The following CPVL variants were observed in gnomAD, a reference collection of about 807,000 sequenced individuals.
The protein encoded by CPVL is carboxypeptidase vitellogenic like, also known as probable serine carboxypeptidase CPVL.
CPVL carries 51 observed loss-of-function variants against 63.7 expected under a neutral mutation model. The observed-to-expected ratio is 0.80, with a 90% CI of 0.64 to 1.01. The LOEUF (loss-of-function observed/expected upper bound fraction) is 1.01. Ranked by LOEUF, CPVL falls within the 50% of genes least tolerant of loss-of-function variation. The pLI, the probability that CPVL is intolerant of heterozygous loss-of-function variation, is 0.00. For synonymous variants in CPVL, 195 were observed against 206.0 expected (o/e 0.95, Z 0.46); for missense variants, 530 against 573.1 (o/e 0.92, Z 0.77).
chr7:29,115,696 T>C (rs1325642166), intron 2 of CPVL, among the ~76,000 whole-genome samples: 1 of 148,872 alleles, frequency 6.7e-6, no homozygotes, highest in Non-Finnish European at 1.5e-5. Context: ...ATGAGTGAGA[T>C]GTGGACCACA....
chr7:29,171,885 C>G (rs115794163), intron 5 of CPVL, among the ~76,000 whole-genome samples: 2 of 152,142 alleles, frequency 1.3e-5, no homozygotes, highest in Non-Finnish European at 2.9e-5. Flanking sequence ...AATGGACTTA[C>G]GAACTGATTT....
chr7:29,055,141 T>A (rs912604727), intron 11 of CPVL, among the ~76,000 whole-genome samples: 3 of 152,258 alleles, frequency 2.0e-5, no homozygotes, highest in African/African-American at 7.2e-5. Flanking sequence ...GTAGCCTGTT[T>A]ACTTTTGTGT....
chr7:29,094,125 G>C (rs919844053), intron 5 of CPVL, among the ~76,000 whole-genome samples: 1 of 152,140 alleles, frequency 6.6e-6, no homozygotes, highest in Non-Finnish European at 1.5e-5. Context: ...CGGATCACTT[G>C]AGGTCAGGAG....
chr7:29,021,936 C>T (rs567375669), intron 12 of CPVL, among the ~76,000 whole-genome samples: 10 of 152,262 alleles, frequency 6.6e-5, no homozygotes, highest in South Asian at 2.1e-4. Context: ...AGTGCAGATG[C>T]GTCCCCAAAA....
chr7:29,046,233 C>A (rs1306692733), intron 11 of CPVL, among the ~76,000 whole-genome samples: 1 of 151,936 alleles, frequency 6.6e-6, no homozygotes, highest in Non-Finnish European at 1.5e-5. Context: ...TAAAGGCATG[C>A]ACCACCACAC....
intron 11 of CPVL, among the ~76,000 whole-genome samples, chr7:29,032,466 G>A (rs1452402664): frequency 1.3e-5 from 2 of 152,124 alleles, no homozygotes; most frequent in East Asian, 1.9e-4. Context: ...TATTTGCATT[G>A]TTTATATAGA....
intron 7 of CPVL, among the ~76,000 whole-genome samples, chr7:29,086,280 C>A (rs1423703644): frequency 7.4e-6 from 1 of 134,808 alleles, no homozygotes; most frequent in Non-Finnish European, 1.7e-5. Flanking sequence ...GCAACAAGAG[C>A]AAAACTCCAA....
At chr7:29,014,233 G>A (rs4257918) in intron 12 of CPVL, among the ~76,000 whole-genome samples, 27,635 of 152,184 alleles carry the variant, frequency 0.18, 2,754 homozygotes, top group East Asian at 0.28. Flanking sequence ...CAAAGAACCC[G>A]TGAAAGAGGA....
At chr7:29,123,828 G>A (rs936448279) in intron 1 of CPVL, among the ~76,000 whole-genome samples, 4 of 150,086 alleles carry the variant, frequency 2.7e-5, no homozygotes, top group Admixed American at 2.0e-4. Flanking sequence ...AAATAACCAG[G>A]GTAGTTACAG....
chr7:29,131,250 A>G (rs1416691743), intron 1 of CPVL, among the ~76,000 whole-genome samples: 1 of 152,226 alleles, frequency 6.6e-6, no homozygotes, highest in East Asian at 1.9e-4. Flanking sequence ...ATTTTCAAAT[A>G]AGAACATTAG....
At chr7:29,121,743 T>C (rs1186016911) in intron 1 of CPVL, among the ~76,000 whole-genome samples, 2 of 152,156 alleles carry the variant, frequency 1.3e-5, no homozygotes, top group African/African-American at 2.4e-5. Context: ...CAGGCATCCA[T>C]GCACACCTTT....
intron 5 of CPVL, among the ~76,000 whole-genome samples, chr7:29,161,463 T>C (rs572167922): frequency 4.3e-4 from 65 of 152,270 alleles, no homozygotes; most frequent in African/African-American, 1.5e-3. Context: ...CCTCTACTTA[T>C]CTCGAACCCC....
intron 5 of CPVL, among the ~76,000 whole-genome samples, chr7:29,159,003 A>G (rs570891727): frequency 1.3e-5 from 2 of 152,340 alleles, no homozygotes; most frequent in East Asian, 3.9e-4. Context: ...TCCACTGTAA[A>G]GTACACTTTC....
At position 29,143,555 on chromosome 7, in the gene CPVL, T is replaced by C. The variant is rs147113205; in HGVS notation, c.-11+2874A>G. On this transcript the variant is annotated intron_variant, in intron 1 of 12. Transcript: ENST00000265394. ...AAGAATCATACAGTACAAAAAGATA[T>C]GTGGCACTATCTTTTTGAAAGAGGG... Among the ~76,000 whole-genome samples the C allele has an allele frequency of 5.6e-3, 850 of 152,266 alleles. 7 individuals carry two copies. The highest frequency in any genetic ancestry group is 0.02 in the African/African-American group (812 of 41,544).
chr7:29,146,902 C>A (rs1792783050), upstream of CPVL: 2 of 1,551,144 alleles, frequency 1.3e-6, no homozygotes. Flanking sequence ...TGTTTGATTC[C>A]CACTGTTTAA....
At chr7:29,193,450 C>T (rs1219523824) in intron 1 of CPVL, 7 of 152,164 alleles carry the variant, frequency 4.6e-5, no homozygotes, top group African/African-American at 1.7e-4. Context: ...AAAAGTTGAA[C>T]TACCCCAATG....
intron 2 of CPVL, among the ~76,000 whole-genome samples, chr7:29,116,970 T>G (rs983816159): frequency 2.0e-5 from 3 of 152,114 alleles, no homozygotes; most frequent in Admixed American, 2.0e-4. Flanking sequence ...CAAAAGGGAT[T>G]TAGGGGAGTG....
chr7:29,074,293 C>A (rs1204970317), intron 7 of CPVL, among the ~76,000 whole-genome samples: 1 of 152,162 alleles, frequency 6.6e-6, no homozygotes, highest in Admixed American at 6.5e-5. Context: ...TCCATTCATA[C>A]TTGTAAGTAC....
At chr7:29,060,383 A>G (rs1791153860) in intron 11 of CPVL, among the ~76,000 whole-genome samples, 1 of 152,228 alleles carries the variant, frequency 6.6e-6, no homozygotes, top group Non-Finnish European at 1.5e-5. Context: ...AAGATATGCA[A>G]CTTAAGAACA....
Sources: gnomAD v4.1 joint callset for allele counts (sites outside exome capture counted in the v4.1 genomes callset) on GRCh38, gnomAD v4.1.1 for gene constraint, MANE v1.5 for transcripts, NCBI Gene and HGNC (gene_info 2026-07-23, HGNC 2026-07-21) for gene names.